Variants in ZNF337 observed in about 807,000 individuals in gnomAD.
The protein encoded by ZNF337 is zinc finger protein 337.
Under a neutral mutation model 12.1 loss-of-function variants are expected in ZNF337, and 8 were observed. That is an observed-to-expected ratio of 0.66 (90% CI 0.39 to 1.19). The LOEUF is 1.19. ZNF337 is among the 50% of genes most tolerant of loss of function. ZNF337 has a pLI of 0.01. For synonymous variants in ZNF337, 336 were observed against 320.0 expected (o/e 1.05, Z -0.53); for missense variants, 882 against 896.6 (o/e 0.98, Z 0.21).
intron 1 of ZNF337, among the ~76,000 whole-genome samples, chr20:25,695,650 A>G (rs1461984619): frequency 6.6e-6 from 1 of 152,168 alleles, no homozygotes; most frequent in Non-Finnish European, 1.5e-5. Flanking sequence ...TCCTGGACTC[A>G]ACTGACTGGG....
intron 4 of ZNF337, among the ~76,000 whole-genome samples, chr20:25,683,676 A>C (rs1279458344): frequency 2.6e-5 from 4 of 152,206 alleles, no homozygotes; most frequent in African/African-American, 9.6e-5. Context: ...CATACCAGTT[A>C]GAATGGCAAT....
intron 1 of ZNF337, among the ~76,000 whole-genome samples, chr20:25,695,880 C>T (rs1049685940): frequency 1.3e-5 from 2 of 152,160 alleles, no homozygotes; most frequent in Non-Finnish European, 2.9e-5. Context: ...TAAAATTAAC[C>T]TGCAAGCCTG....
chr20:25,683,404 G>A (rs900900013), intron 4 of ZNF337, among the ~76,000 whole-genome samples: 1 of 151,770 alleles, frequency 6.6e-6, no homozygotes, highest in Non-Finnish European at 1.5e-5. Context: ...GGCAACAGTA[G>A]TACTGCTTAA....
chr20:25,686,035 C>G lies in ZNF337; in HGVS notation c.115G>C (p.Glu39Gln), dbSNP rs770424588. The G allele has an allele frequency of 1.9e-6, 3 of 1,613,888 alleles. No homozygotes were observed. The highest frequency in any genetic ancestry group is 2.5e-6 in the Non-Finnish European group (3 of 1,179,928). Residue 39 changes from glutamate to glutamine, a missense_variant, in exon 3 of 5, where the codon GAG becomes CAG. By Grantham distance (29) the Glu-to-Gln change is conservative. Coordinates refer to ENST00000252979, the MANE Select transcript of ZNF337 (RefSeq NM_015655.4). The stretch of plus-strand genomic sequence containing the variant: ...TGGCTGTAGTTCTCCAGTGTCACCT[C>G]CCTGTACAGGGCCCTCTGAGCAGGG... ...LSPAQRALYR[E>Q]VTLENYSHLV...
rs2065668357 is a variant in ZNF337, at chr20:25,675,389, A to C, written c.1899T>G (p.Cys633Trp). The C allele has an allele frequency of 6.2e-7, 1 of 1,613,584 alleles. No homozygotes were observed. The highest frequency in any genetic ancestry group is 8.5e-7 in the Non-Finnish European group (1 of 1,179,902). Reference protein sequence around the residue: ...SGKQPFVCKECGRGFNWKGNL... With the variant: ...SGKQPFVCKEWGRGFNWKGNL... ...TTCCCTTCCAGTTGAAGCCTCGCCC[A>C]CACTCCTTGCATACAAAAGGCTGCT... Residue 633 changes from cysteine (C) to tryptophan (W), a missense_variant, in exon 5 of 5, where the codon TGT (cysteine) becomes TGG (tryptophan). Physicochemically the swap from Cys to Trp is radical, Grantham distance 215 (BLOSUM62 -2). Coordinates refer to ENST00000252979, the MANE Select transcript of ZNF337 (RefSeq NM_015655.4).
At chr20:25,686,287 G>T in intron 2 of ZNF337, 104 bp downstream of exon 2, 1 of 1,454,966 alleles carries the variant, frequency 6.9e-7, no homozygotes, top group Non-Finnish European at 9.6e-7. Flanking sequence ...CTCCCCAGGA[G>T]CGGTGCTGGC....
intron 4 of ZNF337, among the ~76,000 whole-genome samples, chr20:25,682,835 C>CAA (rs59331202): frequency 2.6e-4 from 34 of 132,010 alleles, no homozygotes; most frequent in African/African-American, 5.0e-4. Context: ...AACTCCGACT[C>CAA]AAAAAAAAAA....
Position 25,676,097 on chromosome 20 carries a change from T to C in ZNF337, c.1191A>G (p.Thr397=), listed in dbSNP as rs1312256949. The C allele has an allele frequency of 1.9e-6, 3 of 1,610,530 alleles. No homozygotes were observed. Among genetic ancestry groups the C allele is most frequent in the Non-Finnish European group, 2.5e-6 (3 of 1,179,040 alleles). The change falls in exon 5 of 5, where the codon ACA becomes ACG. Residue 397 remains threonine, a synonymous_variant. Transcript: ENST00000252979. Reference sequence around the variant, plus strand: ...ACACAAAAGGCTTCTCCCCTGAGTGTGTTCTCTGGTGTCTGAGGAGACTTC... The same window carrying C: ...ACACAAAAGGCTTCTCCCCTGAGTGCGTTCTCTGGTGTCTGAGGAGACTTC... ...VKGSLLRHQR[T]HSGEKPFVCK... is the part of the protein sequence containing the mutation.
chr20:25,676,214 G>C lies in ZNF337; in HGVS notation c.1074C>G (p.Ser358Arg), dbSNP rs1214458174. ...GGTGTGTGATAAGGTGTGACTTATT[G>C]CTAAAGCCTCGGCCACACTCCTGGC... ...YRCQECGRGF[S>R]NKSHLITHQR... The change falls in exon 5 of 5, where the codon AGC becomes AGG. Residue 358 changes from serine (S) to arginine (R), a missense_variant. Ser to Arg is a moderately radical substitution (Grantham distance 110). Transcript: ENST00000252979. 6.2e-6 allele frequency: 10 copies of C among 1,613,938 alleles called. No individual in the cohort carries two copies. Among genetic ancestry groups the C allele is most frequent in the Non-Finnish European group, 8.5e-6 (10 of 1,179,974 alleles).
At chr20:25,682,730 G>A (rs2009090) in intron 4 of ZNF337, among the ~76,000 whole-genome samples, 7,960 of 152,040 alleles carry the variant, frequency 0.052, 451 homozygotes, top group South Asian at 0.19. Flanking sequence ...AGCTACTCAA[G>A]AGGCTAAGAC....
chr20:25,676,985 C>G lies in ZNF337; in HGVS notation c.303G>C (p.Gln101His). The G allele has an allele frequency of 6.2e-7, 1 of 1,613,912 alleles. No individual in the cohort carries two copies. Among genetic ancestry groups the G allele is most frequent in the Non-Finnish European group, 8.5e-7 (1 of 1,179,972 alleles). Residue 101 changes from glutamine (Q) to histidine (H), a missense_variant, in exon 5 of 5, where the codon CAG becomes CAC. Transcript: ENST00000252979. ...CAGAAAATTGTAGTTGCTGTTGCCT[C>G]TGATGTGCAAGTCCAAGATTCTTGG... ...LRPKNLGLAH[Q>H]RQQQLQFSDQ... is the part of the protein sequence containing the mutation.
At chr20:25,683,874 A>T (rs2065796323) in intron 4 of ZNF337, among the ~76,000 whole-genome samples, 2 of 152,108 alleles carry the variant, frequency 1.3e-5, no homozygotes, top group African/African-American at 4.8e-5. Flanking sequence ...AAGGAATATA[A>T]ATCATGCTGC....
At chr20:25,683,183 G>T (rs1277097173) in intron 4 of ZNF337, among the ~76,000 whole-genome samples, 1 of 152,114 alleles carries the variant, frequency 6.6e-6, no homozygotes, top group Non-Finnish European at 1.5e-5. Context: ...GCCTAACTGT[G>T]AACTAAAACT....
In ZNF337 at chr20:25,676,457, T is replaced by A; in HGVS notation, c.831A>T (p.Ser277=). The A allele has an allele frequency of 6.2e-7, 1 of 1,613,960 alleles. No homozygotes were observed. The highest frequency in any genetic ancestry group is 1.7e-5 in the Admixed American group (1 of 60,002). ...KVCGRGYTSK[S]YLTVHERTHT... Reference sequence around the variant, plus strand: ...GTGTTCTCTCATGCACAGTGAGGTATGACTTACTGGTATAGCCTCGTCCAC... The same window carrying A: ...GTGTTCTCTCATGCACAGTGAGGTAAGACTTACTGGTATAGCCTCGTCCAC... The change falls in exon 5 of 5, where the codon TCA becomes TCT. Residue 277 remains serine, a synonymous_variant. Transcript: ENST00000252979.
intron 1 of ZNF337, 21 bp downstream of exon 1, chr20:25,696,738 A>T: frequency 1.0e-6 from 1 of 985,376 alleles, no homozygotes; most frequent in Middle Eastern, 5.2e-4. Context: ...GCAGAGAGGG[A>T]CCCGCAGGAG....
At chr20:25,689,907 T>A (rs1419840490) in intron 1 of ZNF337, among the ~76,000 whole-genome samples, 2 of 152,176 alleles carry the variant, frequency 1.3e-5, no homozygotes. Flanking sequence ...TAAAATAATC[T>A]TATAGGAGCT....
chr20:25,686,197 C>T lies in ZNF337; in HGVS notation c.28-75G>A, dbSNP rs1600445744. 3 of 1,602,328 alleles carry T rather than the reference C, an allele frequency of 1.9e-6. No individual in the cohort carries two copies. The East Asian group carries it at 6.7e-5, about 36-fold the overall frequency. ...GCAGTTGGAGGATTCCAGGTTCTGC[C>T]ATCTGTACACAGATCACTACTTGAT... On this transcript the variant is annotated intron_variant, in intron 2 of 4. Coordinates refer to ENST00000252979, the MANE Select transcript of ZNF337 (RefSeq NM_015655.4).
Position 25,673,203 on chromosome 20 carries a change from A to G in ZNF337, c.*1829T>C, listed in dbSNP as rs1200588162. Among the ~76,000 whole-genome samples the G allele has an allele frequency of 1.3e-5, 2 of 152,218 alleles. No homozygotes were observed. The highest frequency in any genetic ancestry group is 4.8e-5 in the African/African-American group (2 of 41,452). On this transcript the variant is annotated 3_prime_UTR_variant, in exon 5 of 5. Coordinates refer to ENST00000252979, the MANE Select transcript of ZNF337 (RefSeq NM_015655.4). ...TCAGTGTCCCAGATCACTCAGATGT[A>G]AATGTGTTTAATATGGAAGAGGAGC...
intron 1 of ZNF337, among the ~76,000 whole-genome samples, chr20:25,691,226 A>C (rs1018715491): frequency 6.6e-6 from 1 of 152,244 alleles, no homozygotes; most frequent in Non-Finnish European, 1.5e-5. Context: ...CAGAAGAAAT[A>C]ATCAGTAAAC....
Sources: gnomAD v4.1 joint callset for allele counts (sites outside exome capture counted in the v4.1 genomes callset) on GRCh38, gnomAD v4.1.1 for gene constraint, MANE v1.5 for transcripts, NCBI Gene and HGNC (gene_info 2026-07-23, HGNC 2026-07-21) for gene names.